PTPRD: variants seen among roughly 807,000 people sequenced by gnomAD.
PTPRD encodes protein tyrosine phosphatase receptor type D, also known as receptor-type tyrosine-protein phosphatase delta.
A neutral mutation model predicts 214.5 loss-of-function variants in PTPRD; 34 were observed. That is an observed-to-expected ratio of 0.16 (90% CI 0.12 to 0.21). The LOEUF (loss-of-function observed/expected upper bound fraction) is 0.21. Ranked by LOEUF, PTPRD falls within the 10% of genes least tolerant of loss-of-function variation. PTPRD has a pLI of 1.00. For missense variants in PTPRD, 2,545 were observed against 2,398.7 expected, an observed-to-expected ratio of 1.06 and a Z score of -1.27; for synonymous variants, 1,128 against 845.7, an observed-to-expected ratio of 1.33 and a Z score of -5.79.
At chr9:9,145,152 G>C (rs2099866560) in intron 10 of PTPRD, among the ~76,000 whole-genome samples, 1 of 152,182 alleles carries the variant, frequency 6.6e-6, no homozygotes, top group South Asian at 2.1e-4. Flanking sequence ...CTAAGTATGT[G>C]TTGCTAGGCA....
Position 9,919,894 on chromosome 9 carries a change from T to A in PTPRD, c.-368+18613A>T, listed in dbSNP as rs138189303. Among the ~76,000 whole-genome samples, 63 of 152,264 alleles carry A rather than the reference T, an allele frequency of 4.1e-4. 1 individual carries two copies. In the East Asian group the frequency reaches 9.9e-3, roughly 24 times the overall value. ...AGTGACATGTGGATATAATAGGACT[T>A]CAGGAATTACAGTATTTCATAAATG... On this transcript the variant is annotated intron_variant, in intron 5 of 45. Transcript: ENST00000381196.
At chr9:9,253,403 A>G (rs557890941) in intron 9 of PTPRD, among the ~76,000 whole-genome samples, 100 of 152,216 alleles carry the variant, frequency 6.6e-4, no homozygotes, top group South Asian at 1.5e-3. Flanking sequence ...CTGTTAATCA[A>G]CAAATAATAT....
intron 2 of PTPRD, among the ~76,000 whole-genome samples, chr9:10,397,185 G>C (rs1440381653): frequency 1.3e-5 from 2 of 152,006 alleles, no homozygotes; most frequent in South Asian, 2.1e-4. Context: ...AATGTTGACA[G>C]GAACGTTCTT....
chr9:8,568,195 T>C (rs952008719), intron 14 of PTPRD, among the ~76,000 whole-genome samples: 2 of 152,192 alleles, frequency 1.3e-5, no homozygotes, highest in Admixed American at 6.5e-5. Context: ...GTTCTATACA[T>C]TGCAGAGATG....
chr9:8,806,930 T>C (rs2096696088), intron 11 of PTPRD, among the ~76,000 whole-genome samples: 1 of 152,288 alleles, frequency 6.6e-6, no homozygotes, highest in East Asian at 1.9e-4. Flanking sequence ...AATTCTGTCA[T>C]AGGAGTAAGT....
chr9:10,111,118 G>C (rs1441575160), intron 3 of PTPRD, among the ~76,000 whole-genome samples: 1 of 150,666 alleles, frequency 6.6e-6, no homozygotes, highest in African/African-American at 2.4e-5. Flanking sequence ...AGAATACAAT[G>C]CTTTAAGATT....
At chr9:9,551,035 T>G (rs1450868179) in intron 8 of PTPRD, among the ~76,000 whole-genome samples, 2 of 151,980 alleles carry the variant, frequency 1.3e-5, no homozygotes, top group Non-Finnish European at 2.9e-5. Flanking sequence ...TCTGAAAATT[T>G]ATCATGCAAA....
intron 11 of PTPRD, among the ~76,000 whole-genome samples, chr9:8,789,365 G>A (rs982783966): frequency 6.6e-6 from 1 of 152,182 alleles, no homozygotes; most frequent in East Asian, 1.9e-4. Flanking sequence ...ACTTCCTTCA[G>A]TAGTTGGATA....
chr9:8,728,749 G>C (rs925946766), intron 12 of PTPRD, among the ~76,000 whole-genome samples: 3 of 152,116 alleles, frequency 2.0e-5, no homozygotes, highest in Non-Finnish European at 4.4e-5. Context: ...GGAGGCTGAG[G>C]CAAGTGGATG....
At chr9:10,327,749 T>C (rs999835682) in intron 3 of PTPRD, among the ~76,000 whole-genome samples, 1 of 151,740 alleles carries the variant, frequency 6.6e-6, no homozygotes, top group Non-Finnish European at 1.5e-5. Flanking sequence ...TACAAAAAAG[T>C]GAATACTCAT....
At chr9:8,609,711 C>G (rs2095371278) in intron 14 of PTPRD, among the ~76,000 whole-genome samples, 1 of 152,108 alleles carries the variant, frequency 6.6e-6, no homozygotes, top group African/African-American at 2.4e-5. Context: ...TTTATTTTTA[C>G]TAATAGCTGG....
rs139700069 is a variant in PTPRD at position 9,953,349 on chromosome 9, T to C, written c.-471-14739A>G. On this transcript the variant is annotated intron_variant, in intron 4 of 45. Transcript: ENST00000381196. ...CAAAAGGGATAAAAAGACTACATAC[T>C]GGGTACAGTGTACACCATTCAGTAA... Among the ~76,000 whole-genome samples, 1,289 of 152,208 alleles carry C rather than the reference T, an allele frequency of 8.5e-3. 18 individuals are homozygous for C. The highest frequency in any genetic ancestry group is 0.029 in the African/African-American group (1,189 of 41,520).
At chr9:8,845,604 C>T (rs1451268306) in intron 11 of PTPRD, among the ~76,000 whole-genome samples, 1 of 152,240 alleles carries the variant, frequency 6.6e-6, no homozygotes, top group Non-Finnish European at 1.5e-5. Context: ...TCCCATGCCA[C>T]CCAGCAAGTA....
chr9:8,497,355 G>C (rs1329795037), intron 25 of PTPRD, 87 bp from the exon 26 acceptor site: 1 of 1,156,196 alleles, frequency 8.6e-7, no homozygotes, highest in Non-Finnish European at 1.2e-6. Context: ...GCCCTTGTTA[G>C]ATTAAAAAAA....
chr9:9,480,423 T>C (rs2095356956), intron 8 of PTPRD, among the ~76,000 whole-genome samples: 1 of 152,164 alleles, frequency 6.6e-6, no homozygotes, highest in African/African-American at 2.4e-5. Flanking sequence ...AAAAGAATTT[T>C]CTTCCAGATC....
Position 8,585,924 on chromosome 9 carries a change from C to T in PTPRD, c.352+47393G>A, listed in dbSNP as rs568896046. Among the ~76,000 whole-genome samples, 3 of 152,232 alleles carry T rather than the reference C, an allele frequency of 2.0e-5. No homozygotes were observed. In the East Asian group the frequency reaches 5.8e-4, roughly 29 times the overall value. ...TTGTCCTCTCTCTGCCATGATTGTG[C>T]CATCAGTCAAAGATTAAAATTTTAT... On this transcript the variant is annotated intron_variant, in intron 14 of 45. Transcript: ENST00000381196.
chr9:10,252,153 A>AAG (rs964827804), intron 3 of PTPRD, among the ~76,000 whole-genome samples: 5 of 149,874 alleles, frequency 3.3e-5, no homozygotes, highest in African/African-American at 1.2e-4. Flanking sequence ...TAAACTAAAA[A>AAG]AGAGAGAGAG....
chr9:9,580,169 A>G (rs1033587207), intron 7 of PTPRD, among the ~76,000 whole-genome samples: 3 of 147,574 alleles, frequency 2.0e-5, no homozygotes, highest in Non-Finnish European at 4.6e-5. Context: ...TGCAATAAAC[A>G]TATGAGTACA....
At chr9:10,447,286 T>C (rs16926043) in intron 2 of PTPRD, among the ~76,000 whole-genome samples, 12,608 of 151,986 alleles carry the variant, frequency 0.083, 949 homozygotes, top group African/African-American at 0.17. Context: ...AGAGAAATAA[T>C]TGTCATGGAA....
Sources: allele counts gnomAD v4.1 joint callset (sites outside exome capture counted in the v4.1 genomes callset), GRCh38; gene constraint gnomAD v4.1.1; transcripts MANE v1.5; gene names NCBI Gene and HGNC (gene_info 2026-07-23, HGNC 2026-07-21).